Variants in NCAM1 observed in about 807,000 individuals in gnomAD.
The protein encoded by NCAM1 is antigen recognized by monoclonal antibody 5.1H11.
Under a neutral mutation model 109.8 loss-of-function variants are expected in NCAM1, and 14 were observed. The observed-to-expected ratio is 0.13, with a 90% CI of 0.08 to 0.20. NCAM1 has a LOEUF of 0.20. NCAM1 is among the 10% of genes least tolerant of loss of function. The pLI is 1.00. For missense variants in NCAM1, 774 were observed against 1,109.9 expected (o/e 0.70, Z 4.30); for synonymous variants, 418 against 442.9 (o/e 0.94, Z 0.70).
At chr11:112,980,036 A>G (rs953887169) in intron 1 of NCAM1, among the ~76,000 whole-genome samples, 14 of 151,810 alleles carry the variant, frequency 9.2e-5, no homozygotes, top group Non-Finnish European at 1.9e-4. Context: ...AAGGGCATCT[A>G]TGAAAAATCC....
At chr11:113,172,815 C>T (rs780976725) in intron 1 of NCAM1, among the ~76,000 whole-genome samples, 16 of 151,884 alleles carry the variant, frequency 1.1e-4, no homozygotes, top group Admixed American at 4.6e-4. Context: ...TTGTCTATTT[C>T]GTTTGCCTTT....
intron 1 of NCAM1, among the ~76,000 whole-genome samples, chr11:113,128,548 T>C (rs1369854405): frequency 6.7e-6 from 1 of 149,962 alleles, no homozygotes; most frequent in Non-Finnish European, 1.5e-5. Context: ...ATGGTGACAA[T>C]GGTGACAACG....
At chr11:112,970,671 T>A (rs1160688593) in intron 1 of NCAM1, among the ~76,000 whole-genome samples, 1 of 152,166 alleles carries the variant, frequency 6.6e-6, no homozygotes, top group Non-Finnish European at 1.5e-5. Flanking sequence ...GCATTGTAAA[T>A]GAAATATTTC....
rs782531111 is a variant in NCAM1, at chr11:113,275,357, A to G, written c.2547A>G (p.Thr849=). 1.9e-6 allele frequency: 3 copies of G among 1,613,458 alleles called. No individual in the cohort carries two copies. The highest frequency in any genetic ancestry group is 3.3e-5 in the Admixed American group (2 of 59,938). The change falls in exon 20 of 20, where the codon ACA becomes ACG. Residue 849 remains threonine, a synonymous_variant. Coordinates refer to ENST00000316851, the MANE Select transcript of NCAM1 (RefSeq NM_181351.5). ...TCAAGACGGTCCCCAATGACGCCAC[A>G]CAGACAAAGGAGAACGAGAGCAAAG... ...AEVKTVPNDA[T]QTKENESKA
At chr11:113,181,366 G>A (rs1019562082) in intron 1 of NCAM1, among the ~76,000 whole-genome samples, 3 of 152,206 alleles carry the variant, frequency 2.0e-5, no homozygotes, top group African/African-American at 7.2e-5. Context: ...CTAAATACCT[G>A]CTTTGAGTGT....
intron 1 of NCAM1, among the ~76,000 whole-genome samples, chr11:113,093,424 C>CT (rs369443745): frequency 5.3e-5 from 8 of 151,526 alleles, no homozygotes; most frequent in Non-Finnish European, 8.8e-5. Context: ...GAATGGGAGA[C>CT]TTTTTTTTTC....
intron 1 of NCAM1, among the ~76,000 whole-genome samples, chr11:113,066,524 G>C (rs999924108): frequency 1.3e-5 from 2 of 152,224 alleles, no homozygotes; most frequent in Admixed American, 6.5e-5. Context: ...TCAATTCCTG[G>C]TTTCTGTGCT....
chr11:113,039,596 C>G (rs1953005240), intron 1 of NCAM1, among the ~76,000 whole-genome samples: 1 of 152,166 alleles, frequency 6.6e-6, no homozygotes, highest in Admixed American at 6.5e-5. Context: ...AGCCTAGACA[C>G]AGGATGTAAG....
chr11:113,275,491 C>T lies in NCAM1; in HGVS notation c.*104C>T. On this transcript the variant is annotated 3_prime_UTR_variant, in exon 20 of 20. Transcript: ENST00000316851. The stretch of plus-strand genomic sequence containing the variant: ...ACACACACGCACGCACACACACAAA[C>T]ACACATGCACACACACACATCTCAT... 1.5e-6 allele frequency: 2 copies of T among 1,299,958 alleles called. No homozygotes were observed. The highest frequency in any genetic ancestry group is 2.1e-6 in the Non-Finnish European group (2 of 943,438). The allele number at this position is 1,299,958 out of a possible 1,614,324, so 80.5% of individuals were successfully genotyped here. A position where few individuals can be genotyped will look rare whatever the true frequency, so the allele number is the denominator to read the frequency against.
intron 1 of NCAM1, among the ~76,000 whole-genome samples, chr11:113,099,740 G>T (rs897114786): frequency 2.0e-5 from 3 of 152,162 alleles, no homozygotes; most frequent in African/African-American, 7.2e-5. Flanking sequence ...CTAGGCTGGA[G>T]TGTAGTGGTG....
At position 113,274,985 on chromosome 11, in the gene NCAM1, G is replaced by A. The variant is rs1032540214; in HGVS notation, c.2457-282G>A. Among the ~76,000 whole-genome samples, 1 of 152,240 alleles carries A rather than the reference G, an allele frequency of 6.6e-6. No homozygotes were observed. Among genetic ancestry groups the A allele is most frequent in the African/African-American group, 2.4e-5 (1 of 41,472 alleles). ...TTAGGGCTGGAAGAGGAAAGGACTCGTTCTTCTGACTCAGTGCTTCTCAAC... is the reference window on the plus strand; with the variant it reads ...TTAGGGCTGGAAGAGGAAAGGACTCATTCTTCTGACTCAGTGCTTCTCAAC... On this transcript the variant is annotated intron_variant, in intron 19 of 19. Transcript: ENST00000316851. This position sits in a 1 kb window ranked among gnomAD's most constrained non-coding sequence, Gnocchi z 4.1.
Position 113,236,860 on chromosome 11 carries a change from A to C in NCAM1, c.1825+1696A>C, listed in dbSNP as rs191321730. On this transcript the variant is annotated intron_variant, in intron 14 of 19. Coordinates refer to ENST00000316851, the MANE Select transcript of NCAM1 (RefSeq NM_181351.5). Reference sequence around the variant, plus strand: ...CTGGAGGGGAATAGGAGGACTGGCCAGGGAGGCTCCTGCAGCAGCTGCCAT... The same window carrying C: ...CTGGAGGGGAATAGGAGGACTGGCCCGGGAGGCTCCTGCAGCAGCTGCCAT... Among the ~76,000 whole-genome samples the C allele has an allele frequency of 2.7e-3, 413 of 152,326 alleles. 2 individuals carry two copies. Among genetic ancestry groups the C allele is most frequent in the Non-Finnish European group, 4.6e-3 (310 of 68,020 alleles).
intron 1 of NCAM1, among the ~76,000 whole-genome samples, chr11:113,095,776 T>C (rs1234668186): frequency 6.6e-6 from 1 of 152,228 alleles, no homozygotes; most frequent in Non-Finnish European, 1.5e-5. Context: ...GGATTAGCCT[T>C]GTGCTTTAGC....
chr11:113,054,369 A>G (rs1264495371), intron 1 of NCAM1, among the ~76,000 whole-genome samples: 2 of 152,096 alleles, frequency 1.3e-5, no homozygotes, highest in East Asian at 3.8e-4. Flanking sequence ...ACTTATAATA[A>G]AAGTCCCACC....
chr11:113,035,296 A>G (rs1263462199), intron 1 of NCAM1, among the ~76,000 whole-genome samples: 1 of 152,188 alleles, frequency 6.6e-6, no homozygotes, highest in African/African-American at 2.4e-5. Flanking sequence ...TATATGGACA[A>G]CATATTATAT....
Position 113,214,516 on chromosome 11 carries a change from C to T in NCAM1, c.1059+5C>T. The T allele has an allele frequency of 6.3e-7, 1 of 1,599,456 alleles. No homozygotes were observed. Among genetic ancestry groups the T allele is most frequent in the Middle Eastern group, 1.7e-4 (1 of 6,038 alleles). ...AACATCAGCAGCGAAGAAAAGGTAT[C>T]ATGCTCCCCAGGAGTTTCAGGGCCT... is the stretch of plus-strand genomic sequence containing the variant. On this transcript the variant is annotated splice_donor_5th_base_variant and intron_variant, in intron 8 of 19. Coordinates refer to ENST00000316851, the MANE Select transcript of NCAM1 (RefSeq NM_181351.5).
intron 1 of NCAM1, among the ~76,000 whole-genome samples, chr11:113,201,757 G>C (rs1321907209): frequency 6.6e-6 from 1 of 152,218 alleles, no homozygotes; most frequent in Non-Finnish European, 1.5e-5. Flanking sequence ...TTGGGGTGGT[G>C]ATATGTGATG....
chr11:113,145,782 G>A (rs1424936805), intron 1 of NCAM1, among the ~76,000 whole-genome samples: 5 of 150,668 alleles, frequency 3.3e-5, no homozygotes, highest in African/African-American at 7.3e-5. Context: ...CACCCCCTGA[G>A]AAACAGGCCA....
intron 1 of NCAM1, among the ~76,000 whole-genome samples, chr11:113,101,649 A>C (rs1168868162): frequency 6.6e-6 from 1 of 152,236 alleles, no homozygotes; most frequent in East Asian, 1.9e-4. Flanking sequence ...CAAAGAAGTA[A>C]GATTCTTCAG....
Sources: allele counts gnomAD v4.1 joint callset (sites outside exome capture counted in the v4.1 genomes callset), GRCh38; gene constraint gnomAD v4.1.1; non-coding constraint Gnocchi (gnomAD v3.1); transcripts MANE v1.5; gene names NCBI Gene and HGNC (gene_info 2026-07-23, HGNC 2026-07-21).